MTAP: variants seen among roughly 807,000 people sequenced by gnomAD.
The protein encoded by MTAP is S-methyl-5'-thioadenosine phosphorylase.
MTAP carries 33 observed loss-of-function variants against 33.6 expected under a neutral mutation model. The observed-to-expected ratio is 0.98, with a 90% CI of 0.74 to 1.31. The LOEUF (loss-of-function observed/expected upper bound fraction) is 1.31, where lower values mean the gene tolerates loss of function less well. Among genes scored for constraint, MTAP ranks in the 40% most tolerant of loss-of-function variants. The probability of loss-of-function intolerance (pLI) is 0.00; values close to 1 mark genes in which losing one functional copy is unlikely to be tolerated. For missense variants in MTAP, 367 were observed against 360.0 expected (o/e 1.02, Z -0.16); for synonymous variants, 148 against 125.7 (o/e 1.18, Z -1.19).
Position 21,864,457 on chromosome 9 carries a change from G to A in MTAP, c.*2443G>A, listed in dbSNP as rs1825816621. Reference sequence around the variant, plus strand: ...TGGTGAGCATCATGGGAAAGCTGTAGTTTAGTGACTTAGCCCTTAGTGATT... The same window carrying A: ...TGGTGAGCATCATGGGAAAGCTGTAATTTAGTGACTTAGCCCTTAGTGATT... On this transcript the variant is annotated 3_prime_UTR_variant, in exon 8 of 8. Coordinates refer to ENST00000644715, the MANE Select transcript of MTAP (RefSeq NM_002451.4). The A allele has an allele frequency of 1.8e-5, 18 of 985,288 alleles. No individual in the cohort carries two copies. The highest frequency in any genetic ancestry group is 2.2e-5 in the Non-Finnish European group (18 of 829,944). The allele number at this position is 985,288 out of a possible 1,614,324, so 61.0% of individuals were successfully genotyped here. A position where few individuals can be genotyped will look rare whatever the true frequency, so the allele number is the denominator to read the frequency against.
intron 1 of MTAP, among the ~76,000 whole-genome samples, chr9:21,912,336 G>C (rs1018723110): frequency 6.6e-6 from 1 of 152,058 alleles, no homozygotes. Flanking sequence ...CAAAAAAAGA[G>C]AATTTTAGAC....
intron 1 of MTAP, among the ~76,000 whole-genome samples, chr9:21,898,586 C>A (rs925831148): frequency 2.0e-5 from 3 of 152,046 alleles, no homozygotes; most frequent in Admixed American, 1.3e-4. Context: ...ATGAACAGGC[C>A]CTTTTCAAAA....
chr9:21,903,586 A>G (rs1160202446), intron 1 of MTAP, among the ~76,000 whole-genome samples: 1 of 152,150 alleles, frequency 6.6e-6, no homozygotes, highest in East Asian at 1.9e-4. Context: ...TCCTGAAAAT[A>G]TTGAACAGAC....
chr9:21,803,127 C>T, intron 1 of MTAP: 2 of 453,930 alleles, frequency 4.4e-6, no homozygotes, highest in Non-Finnish European at 7.4e-6. Flanking sequence ...TGCACCCATG[C>T]CACCACCATT....
At chr9:21,941,028 T>C, downstream of MTAP, 1 of 981,160 alleles carries the variant, frequency 1.0e-6, no homozygotes, top group South Asian at 4.7e-5. Flanking sequence ...CATGAAATCA[T>C]GACATCCTAT....
intron 5 of MTAP, among the ~76,000 whole-genome samples, chr9:21,840,293 G>A (rs1395750185): frequency 6.6e-6 from 1 of 151,926 alleles, no homozygotes; most frequent in Non-Finnish European, 1.5e-5. Context: ...AATAGCATAT[G>A]GAGACACTAT....
intron 1 of MTAP, among the ~76,000 whole-genome samples, chr9:21,899,434 A>G (rs1190993178): frequency 6.6e-6 from 1 of 151,632 alleles, no homozygotes; most frequent in Admixed American, 6.6e-5. Context: ...AGGGGAGGGA[A>G]GGAAGGAAAG....
In MTAP at chr9:21,866,498, T is replaced by C. The variant is rs1168102471; in HGVS notation, c.*4484T>C. ...GTCAAAATCATTTAATTTTGACTAC[T>C]CACTTAATTACCTTGCCTACTCATT... On this transcript the variant is annotated 3_prime_UTR_variant, in exon 8 of 8. Coordinates refer to ENST00000644715, the MANE Select transcript of MTAP (RefSeq NM_002451.4). 1 of 152,122 alleles carries C rather than the reference T, an allele frequency of 6.6e-6. No homozygotes were observed. The highest frequency in any genetic ancestry group is 2.4e-5 in the African/African-American group (1 of 41,426). The allele number at this position is 152,122 out of a possible 1,614,324, so 9.4% of individuals were successfully genotyped here. A position where few individuals can be genotyped will look rare whatever the true frequency, so the allele number is the denominator to read the frequency against.
chr9:21,922,825 G>C lies in MTAP; in HGVS notation c.148-8183G>C, dbSNP rs934355760. Among the ~76,000 whole-genome samples the C allele has an allele frequency of 1.3e-5, 2 of 152,158 alleles. No homozygotes were observed. The highest frequency in any genetic ancestry group is 2.9e-5 in the Non-Finnish European group (2 of 68,030). On this transcript the variant is annotated intron_variant, in intron 1 of 1. Transcript: ENST00000577563. The surrounding 1 kb of genome is among the most constrained non-coding windows in gnomAD (Gnocchi z 4.8). ...GCTTACAGGGGTAGGAAGGACCTTG[G>C]AGTCCACACCATGTAGACCTGAAAT...
chr9:21,838,997 C>T (rs1563841498), intron 5 of MTAP, among the ~76,000 whole-genome samples: 1 of 152,134 alleles, frequency 6.6e-6, no homozygotes, highest in Admixed American at 6.5e-5. Flanking sequence ...ACAGAAAACC[C>T]ATTTCCTTAT....
At position 21,802,787 on chromosome 9, in the gene MTAP, A is replaced by C. The variant is rs1307383271; in HGVS notation, c.33+6A>C. On this transcript the variant is annotated splice_donor_region_variant and intron_variant, in intron 1 of 7. Coordinates refer to ENST00000644715, the MANE Select transcript of MTAP (RefSeq NM_002451.4). ...CCACCACCACCGCCGTGAAGGTGAGATGAGCCCTCCCAGCCGCAGCGGTTC... is the reference window on the plus strand; with the variant it reads ...CCACCACCACCGCCGTGAAGGTGAGCTGAGCCCTCCCAGCCGCAGCGGTTC... 4 of 1,612,698 alleles carry C rather than the reference A, an allele frequency of 2.5e-6. No individual in the cohort carries two copies. The South Asian group carries it at 4.4e-5, about 18-fold the overall frequency.
chr9:21,883,285 CCTT>C (rs1462861069), intron 1 of MTAP, among the ~76,000 whole-genome samples: 1 of 152,036 alleles, frequency 6.6e-6, no homozygotes, highest in East Asian at 1.9e-4. Flanking sequence ...AAATGCTCAA[CCTT>C]CTTAGTGATA....
intron 1 of MTAP, among the ~76,000 whole-genome samples, chr9:21,882,647 G>T (rs1250422860): frequency 6.6e-6 from 1 of 151,862 alleles, no homozygotes; most frequent in Non-Finnish European, 1.5e-5. Context: ...TTAAGTAAAC[G>T]TTTTATATGC....
At chr9:21,883,211 G>C (rs1216075787) in intron 1 of MTAP, among the ~76,000 whole-genome samples, 1 of 151,240 alleles carries the variant, frequency 6.6e-6, no homozygotes, top group Non-Finnish European at 1.5e-5. Flanking sequence ...AATTAGAAAA[G>C]GGAGTAAAAG....
In MTAP at chr9:21,862,116, A is replaced by G. The variant is rs755040797; in HGVS notation, c.*102A>G. 121 of 1,600,166 alleles carry G rather than the reference A, an allele frequency of 7.6e-5. No individual in the cohort carries two copies. The highest frequency in any genetic ancestry group is 8.8e-5 in the Non-Finnish European group (103 of 1,173,798). On this transcript the variant is annotated 3_prime_UTR_variant, in exon 8 of 8. Transcript: ENST00000644715. The stretch of plus-strand genomic sequence containing the variant: ...AATATGGGAAAGACATGCAGCTTTC[A>G]TGCCCTTGCCTATCAAAGAGTATGT...
At chr9:21,844,899 G>T (rs889246967) in intron 5 of MTAP, among the ~76,000 whole-genome samples, 2 of 152,172 alleles carry the variant, frequency 1.3e-5, no homozygotes, top group Non-Finnish European at 2.9e-5. Flanking sequence ...GGGCATGGTA[G>T]CGGGCGCCTG....
intron 5 of MTAP, among the ~76,000 whole-genome samples, chr9:21,841,444 A>G (rs1291106516): frequency 6.6e-6 from 1 of 152,236 alleles, no homozygotes; most frequent in Admixed American, 6.5e-5. Flanking sequence ...CCACATGACA[A>G]CTTCACTGCT....
intron 4 of MTAP, among the ~76,000 whole-genome samples, chr9:21,830,206 G>A (rs533030028): frequency 2.0e-5 from 3 of 152,334 alleles, no homozygotes; most frequent in East Asian, 1.9e-4. Context: ...AAAAGAATGT[G>A]TTATATTTTT....
chr9:21,900,754 A>G (rs910446349), intron 1 of MTAP, among the ~76,000 whole-genome samples: 4 of 152,364 alleles, frequency 2.6e-5, no homozygotes, highest in African/African-American at 9.6e-5. Context: ...TAGCAAAGAC[A>G]TGGAATCAAC....
Sources: gnomAD v4.1 joint callset for allele counts (sites outside exome capture counted in the v4.1 genomes callset) on GRCh38, gnomAD v4.1.1 for gene constraint, Gnocchi (gnomAD v3.1) non-coding constraint, MANE v1.5 for transcripts, NCBI Gene and HGNC (gene_info 2026-07-23, HGNC 2026-07-21) for gene names.